Variants in ZFPM2 observed in about 807,000 individuals in gnomAD.
ZFPM2 encodes the protein zinc finger protein ZFPM2.
ZFPM2 carries 20 observed loss-of-function variants against 98.6 expected under a neutral mutation model. That is an observed-to-expected ratio of 0.20 (90% confidence interval 0.14 to 0.29). ZFPM2 has a LOEUF of 0.29. Ranked by LOEUF, ZFPM2 falls within the 10% of genes least tolerant of loss-of-function variation. The probability of loss-of-function intolerance (pLI) is 1.00; values close to 1 mark genes in which losing one functional copy is unlikely to be tolerated. For synonymous variants in ZFPM2, 518 were observed against 502.7 expected (o/e 1.03, Z -0.41); for missense variants, 1,310 against 1,388.6 (o/e 0.94, Z 0.90).
At chr8:105,376,852 G>A (rs1280513916) in intron 1 of ZFPM2, among the ~76,000 whole-genome samples, 4 of 152,164 alleles carry the variant, frequency 2.6e-5, no homozygotes, top group Admixed American at 2.0e-4. Context: ...CCTGGGTATA[G>A]CAGATAAAGT....
At chr8:105,495,244 C>T (rs545822650) in intron 3 of ZFPM2, among the ~76,000 whole-genome samples, 1 of 152,322 alleles carries the variant, frequency 6.6e-6, no homozygotes, top group South Asian at 2.1e-4. Flanking sequence ...ACAGCAATTA[C>T]ATTTTATTAA....
At chr8:105,652,288 C>CCTTTTTTTTTTTTTTTTTTTT (rs1314456946) in intron 5 of ZFPM2, among the ~76,000 whole-genome samples, 1 of 135,210 alleles carries the variant, frequency 7.4e-6, no homozygotes, top group African/African-American at 2.9e-5. Context: ...AAGTCAAGCC[C>CCTTTTTTTTTTTTTTTTTTTT]ATTTTTGAAG....
At chr8:105,331,742 CA>C (rs1812237608) in intron 1 of ZFPM2, among the ~76,000 whole-genome samples, 1 of 151,800 alleles carries the variant, frequency 6.6e-6, no homozygotes, top group Non-Finnish European at 1.5e-5. Context: ...ATGGGCTTTA[CA>C]GCCCTATCAG....
At chr8:105,669,539 TGTGTG>T (rs1817550531) in intron 5 of ZFPM2, among the ~76,000 whole-genome samples, 1 of 141,176 alleles carries the variant, frequency 7.1e-6, no homozygotes, top group Non-Finnish European at 1.5e-5. Context: ...AGTGTGCATG[TGTGTG>T]TGTGTGTGTG....
At position 105,412,546 on chromosome 8, in the gene ZFPM2, G is replaced by GA. The variant is rs527455760; in HGVS notation, c.41-6590dup. Among the ~76,000 whole-genome samples the GA allele has an allele frequency of 1.1e-3, 159 of 151,246 alleles. 2 individuals are homozygous for GA. The East Asian group carries it at 0.028, about 27-fold the overall frequency. ...CTACCTGCAGGCAACAAATGTAAAT[G>GA]AAAAAAAATCAACATTCTTCTGGCA... is the stretch of plus-strand genomic sequence containing the variant. On this transcript the variant is annotated intron_variant, in intron 1 of 7. Transcript: ENST00000407775.
Position 105,801,183 on chromosome 8 carries a change from C to T in ZFPM2, c.1101C>T (p.His367=), listed in dbSNP as rs780423392. The part of the protein sequence containing the change: ...HLTQAAFRCN[H]CHFGFQTQRE... ...CTCAAGCTGCCTTCCGATGTAATCA[C>T]TGCCATTTCGGCTTCCAGACTCAGA... is the stretch of plus-strand genomic sequence containing the variant. Residue 367 remains histidine, a synonymous_variant, in exon 8 of 8, where the codon CAC becomes CAT. Coordinates refer to ENST00000407775, the MANE Select transcript of ZFPM2 (RefSeq NM_012082.4). The T allele has an allele frequency of 7.4e-6, 12 of 1,613,974 alleles. No homozygotes were observed. The Admixed American group carries it at 8.3e-5, about 11-fold the overall frequency.
intron 4 of ZFPM2, among the ~76,000 whole-genome samples, chr8:105,616,888 C>T (rs1816427150): frequency 1.3e-5 from 2 of 151,120 alleles, no homozygotes; most frequent in South Asian, 4.2e-4. Flanking sequence ...TGTGGTGGTG[C>T]ACATCTGTAA....
intron 5 of ZFPM2, among the ~76,000 whole-genome samples, chr8:105,639,898 T>G (rs1816918685): frequency 6.6e-6 from 1 of 152,034 alleles, no homozygotes; most frequent in Non-Finnish European, 1.5e-5. Context: ...AGCATATCAT[T>G]GGATTTTTTT....
chr8:105,540,662 T>A (rs1286869607), intron 3 of ZFPM2, among the ~76,000 whole-genome samples: 1 of 152,148 alleles, frequency 6.6e-6, no homozygotes, highest in Non-Finnish European at 1.5e-5. Flanking sequence ...TAAAACAAAC[T>A]ATGTTGCACG....
At chr8:105,675,366 G>A (rs546101870) in intron 5 of ZFPM2, among the ~76,000 whole-genome samples, 10 of 152,278 alleles carry the variant, frequency 6.6e-5, no homozygotes, top group African/African-American at 2.2e-4. Context: ...AGTAAATGTG[G>A]GGAAAGGGAA....
At chr8:105,335,777 C>T (rs1812314514) in intron 1 of ZFPM2, among the ~76,000 whole-genome samples, 1 of 151,784 alleles carries the variant, frequency 6.6e-6, no homozygotes, top group Non-Finnish European at 1.5e-5. Flanking sequence ...GAAGGCTACA[C>T]AAAATTTCTG....
intron 1 of ZFPM2, among the ~76,000 whole-genome samples, chr8:105,351,506 C>A (rs1305235295): frequency 6.6e-6 from 1 of 151,980 alleles, no homozygotes; most frequent in East Asian, 1.9e-4. Flanking sequence ...GGTGCAAATT[C>A]AACTTTGTAC....
Position 105,689,679 on chromosome 8 carries a change from GTGA to G in ZFPM2, c.532+55337_532+55339del, listed in dbSNP as rs564421954. Among the ~76,000 whole-genome samples the G allele has an allele frequency of 4.7e-4, 71 of 152,198 alleles. 1 individual carries two copies. Among genetic ancestry groups the G allele is most frequent in the Admixed American group, 1.4e-3 (22 of 15,306 alleles). Reference sequence around the variant, plus strand: ...TGGTGATGCAGTGGCAACAGCAGTGGTGATGATGATGATGATGGTGATTGTGAT... The same window carrying G: ...TGGTGATGCAGTGGCAACAGCAGTGGTGATGATGATGATGGTGATTGTGAT... On this transcript the variant is annotated intron_variant, in intron 5 of 7. Coordinates refer to ENST00000407775, the MANE Select transcript of ZFPM2 (RefSeq NM_012082.4).
intron 3 of ZFPM2, among the ~76,000 whole-genome samples, chr8:105,460,158 C>A (rs1012106668): frequency 1.3e-5 from 2 of 152,116 alleles, no homozygotes; most frequent in Non-Finnish European, 2.9e-5. Flanking sequence ...GGTATCACTT[C>A]AGTGGAGAAG....
intron 4 of ZFPM2, among the ~76,000 whole-genome samples, chr8:105,572,713 G>A (rs1007341809): frequency 6.6e-6 from 1 of 152,044 alleles, no homozygotes; most frequent in Non-Finnish European, 1.5e-5. Flanking sequence ...CAGGTGATCT[G>A]CGTGCCTTGG....
intron 5 of ZFPM2, among the ~76,000 whole-genome samples, chr8:105,748,358 A>C (rs1586236860): frequency 1.3e-5 from 2 of 152,104 alleles, no homozygotes; most frequent in Non-Finnish European, 2.9e-5. Context: ...GAGAATACAT[A>C]TTGAGGCTGT....
At chr8:105,695,768 A>G (rs1811004292) in intron 5 of ZFPM2, among the ~76,000 whole-genome samples, 2 of 152,274 alleles carry the variant, frequency 1.3e-5, no homozygotes, top group East Asian at 1.9e-4. Flanking sequence ...AGAAATATAT[A>G]GCGTATATTT....
At chr8:105,374,071 C>T (rs537300958) in intron 1 of ZFPM2, among the ~76,000 whole-genome samples, 3 of 152,280 alleles carry the variant, frequency 2.0e-5, no homozygotes, top group Non-Finnish European at 4.4e-5. Flanking sequence ...TATGGGATGT[C>T]AATTCTCTTT....
intron 3 of ZFPM2, among the ~76,000 whole-genome samples, chr8:105,539,376 C>T (rs1333973048): frequency 6.6e-6 from 1 of 152,166 alleles, no homozygotes. Context: ...TGAGTATAGA[C>T]ATATCGGGTC....
Sources: allele counts gnomAD v4.1 joint callset (sites outside exome capture counted in the v4.1 genomes callset), GRCh38; gene constraint gnomAD v4.1.1; transcripts MANE v1.5; gene names NCBI Gene and HGNC (gene_info 2026-07-23, HGNC 2026-07-21).